SHANK2: variants seen among roughly 807,000 people sequenced by gnomAD.
SHANK2 encodes the protein SH3 and multiple ankyrin repeat domains 2.
In SHANK2, 43 loss-of-function variants were observed where a neutral mutation model predicts 133.7. That is an observed-to-expected ratio of 0.32 (90% CI 0.25 to 0.41). SHANK2 has a LOEUF of 0.41. Among genes scored for constraint, SHANK2 ranks in the 10% least tolerant of loss-of-function variants. The probability of loss-of-function intolerance (pLI) is 1.00; values close to 1 mark genes in which losing one functional copy is unlikely to be tolerated. For missense variants in SHANK2, 1,994 were observed against 2,235.8 expected (o/e 0.89, Z 2.18); for synonymous variants, 1,017 against 952.8 (o/e 1.07, Z -1.24).
chr11:70,871,813 G>T (rs910969893), intron 11 of SHANK2, among the ~76,000 whole-genome samples: 5 of 152,148 alleles, frequency 3.3e-5, no homozygotes, highest in Admixed American at 2.0e-4. Flanking sequence ...TTGACTGAGA[G>T]ACTCTTTGAA....
intron 10 of SHANK2, among the ~76,000 whole-genome samples, chr11:70,955,369 C>T (rs1950903077): frequency 6.6e-6 from 1 of 151,920 alleles, no homozygotes; most frequent in African/African-American, 2.4e-5. Context: ...ACAACTCCTC[C>T]AGTCAGTTCC....
Position 70,485,080 on chromosome 11 carries a change from A to C in SHANK2, c.4979+234T>G, listed in dbSNP as rs1275436216. On this transcript the variant is annotated intron_variant, in intron 25 of 25. Transcript: ENST00000601538. This position sits in a 1 kb window ranked among gnomAD's most constrained non-coding sequence, Gnocchi z 5.8. ...GCTTCCAGCAACCTCATTTCATTAC[A>C]AGTCTTTATGAAGGAGTGCTGTGTC... Among the ~76,000 whole-genome samples, 2 of 152,176 alleles carry C rather than the reference A, an allele frequency of 1.3e-5. No individual in the cohort carries two copies. The highest frequency in any genetic ancestry group is 1.3e-4 in the Admixed American group (2 of 15,286).
At chr11:71,192,830 T>C (rs1555115654) in intron 2 of SHANK2, among the ~76,000 whole-genome samples, 1 of 152,192 alleles carries the variant, frequency 6.6e-6, no homozygotes, top group Non-Finnish European at 1.5e-5. Context: ...TAGGAAAAGG[T>C]GACACCCAGA....
In SHANK2 at chr11:70,825,544, G is replaced by A. The variant is rs563866972; in HGVS notation, c.1175-4862C>T. Among the ~76,000 whole-genome samples the A allele has an allele frequency of 5.3e-5, 8 of 152,274 alleles. No homozygotes were observed. The East Asian group carries it at 5.8e-4, about 11-fold the overall frequency. Reference sequence around the variant, plus strand: ...CAAGTTACTCAAATGAAATCTCACCGGTGACATCAGTGTGAACATTTTAAT... The same window carrying A: ...CAAGTTACTCAAATGAAATCTCACCAGTGACATCAGTGTGAACATTTTAAT... On this transcript the variant is annotated intron_variant, in intron 11 of 25. Coordinates refer to ENST00000601538, the MANE Select transcript of SHANK2 (RefSeq NM_012309.5).
chr11:71,121,423 G>A (rs1952082313), intron 3 of SHANK2, among the ~76,000 whole-genome samples: 1 of 152,216 alleles, frequency 6.6e-6, no homozygotes, highest in South Asian at 2.1e-4. Flanking sequence ...GGACCCTAAT[G>A]CAATAACTGT....
At chr11:70,506,420 A>T (rs1591517066) in intron 17 of SHANK2, among the ~76,000 whole-genome samples, 4 of 152,330 alleles carry the variant, frequency 2.6e-5, no homozygotes, top group African/African-American at 9.6e-5. Context: ...AAATGGCAGG[A>T]CCTGCTCAGG....
chr11:70,876,806 G>A (rs1352938609), intron 11 of SHANK2, among the ~76,000 whole-genome samples: 2 of 152,086 alleles, frequency 1.3e-5, no homozygotes, highest in East Asian at 1.9e-4. Flanking sequence ...TCTGAGCAAC[G>A]GTGGGGTAGG....
chr11:70,482,221 C>T (rs1389822573), intron 25 of SHANK2, among the ~76,000 whole-genome samples: 1 of 152,210 alleles, frequency 6.6e-6, no homozygotes, highest in East Asian at 1.9e-4. Flanking sequence ...TGGCCGGGAG[C>T]AAGAAGGGAA....
At chr11:71,059,821 C>T (rs936533381) in intron 9 of SHANK2, among the ~76,000 whole-genome samples, 18 of 152,198 alleles carry the variant, frequency 1.2e-4, no homozygotes, top group African/African-American at 3.4e-4. Context: ...TGACTGTGGC[C>T]AGCTTTGTTC....
intron 14 of SHANK2, among the ~76,000 whole-genome samples, chr11:70,737,495 T>C (rs782350489): frequency 1.3e-5 from 2 of 152,174 alleles, no homozygotes; most frequent in Non-Finnish European, 2.9e-5. Context: ...AATGAGACTC[T>C]GTCCGAGTTC....
intron 17 of SHANK2, chr11:70,654,546 T>C (rs536301782): frequency 1.3e-5 from 2 of 152,352 alleles, no homozygotes; most frequent in East Asian, 1.9e-4. Flanking sequence ...TTAGATGATA[T>C]TGTGCTGATC....
At chr11:70,718,414 C>T (rs1555028038) in intron 14 of SHANK2, among the ~76,000 whole-genome samples, 3 of 152,210 alleles carry the variant, frequency 2.0e-5, no homozygotes, top group African/African-American at 7.2e-5. Flanking sequence ...TGCACTGTGC[C>T]TTCCTCTGGG....
intron 11 of SHANK2, among the ~76,000 whole-genome samples, chr11:70,836,134 G>A (rs1315671412): frequency 1.3e-5 from 2 of 152,204 alleles, no homozygotes; most frequent in Non-Finnish European, 2.9e-5. Flanking sequence ...GCTTGCCCAT[G>A]GGGGGCCAGG....
intron 4 of SHANK2, among the ~76,000 whole-genome samples, chr11:71,115,818 T>C (rs1951967833): frequency 6.6e-6 from 1 of 152,160 alleles, no homozygotes; most frequent in African/African-American, 2.4e-5. Context: ...ATGAACTGCA[T>C]GGATTTACTC....
intron 1 of SHANK2, among the ~76,000 whole-genome samples, chr11:71,237,906 C>T (rs1467275091): frequency 6.6e-6 from 1 of 152,230 alleles, no homozygotes; most frequent in African/African-American, 2.4e-5. Flanking sequence ...CACACCACTA[C>T]CCAGGCTGGG....
chr11:70,620,017 C>T (rs1467805323), intron 17 of SHANK2, among the ~76,000 whole-genome samples: 1 of 152,308 alleles, frequency 6.6e-6, no homozygotes, highest in East Asian at 1.9e-4. Flanking sequence ...AAGACTGGAA[C>T]AGAATGTCTA....
chr11:70,517,785 G>T (rs782501994), intron 17 of SHANK2, among the ~76,000 whole-genome samples: 2 of 152,170 alleles, frequency 1.3e-5, no homozygotes, highest in African/African-American at 4.8e-5. Flanking sequence ...ATAATGGTAG[G>T]TACAGGATAT....
chr11:71,124,240 A>G (rs1555102198), intron 3 of SHANK2, among the ~76,000 whole-genome samples: 1 of 1,182 alleles, frequency 8.5e-4, no homozygotes, highest in African/African-American at 2.7e-3. Flanking sequence ...GTATGATGAT[A>G]GTGATAATGG....
chr11:70,855,998 G>C (rs1013617952), intron 11 of SHANK2, among the ~76,000 whole-genome samples: 2 of 152,038 alleles, frequency 1.3e-5, no homozygotes, highest in Non-Finnish European at 2.9e-5. Flanking sequence ...TGGATAGATG[G>C]ATGGATGGAA....
Sources: gnomAD v4.1 joint callset for allele counts (sites outside exome capture counted in the v4.1 genomes callset) on GRCh38, gnomAD v4.1.1 for gene constraint, Gnocchi (gnomAD v3.1) non-coding constraint, MANE v1.5 for transcripts, NCBI Gene and HGNC (gene_info 2026-07-23, HGNC 2026-07-21) for gene names.